NEK2: variants seen among roughly 807,000 people sequenced by gnomAD.
The protein encoded by NEK2 is NIMA related kinase 2.
Under a neutral mutation model 54.1 loss-of-function variants are expected in NEK2, and 28 were observed. The observed-to-expected ratio is 0.52, with a 90% confidence interval of 0.38 to 0.71. The LOEUF (loss-of-function observed/expected upper bound fraction) is 0.71. NEK2 is among the 30% of genes least tolerant of loss of function. The pLI, the probability that NEK2 is intolerant of heterozygous loss-of-function variation, is 0.00. For missense variants in NEK2, 407 were observed against 531.5 expected (o/e 0.77, Z 2.30); for synonymous variants, 176 against 193.1 (o/e 0.91, Z 0.73).
chr1:211,670,198 C>T (rs1340009499), intron 5 of NEK2, 83 bp downstream of exon 5: 4 of 1,317,570 alleles, frequency 3.0e-6, no homozygotes, highest in Non-Finnish European at 4.2e-6. Flanking sequence ...TCTTCAGTCT[C>T]CATTGATCTA....
chr1:211,662,747 GACCA>G (rs1655051190), downstream of NEK2: 2 of 976,396 alleles, frequency 2.0e-6, no homozygotes, highest in African/African-American at 3.5e-5. The surrounding 1 kb of genome is among the most constrained non-coding windows in gnomAD (Gnocchi z 4.2). Context: ...TCAACTAAGA[GACCA>G]ACAAATGCAA....
At chr1:211,670,235 T>C in intron 5 of NEK2, 46 bp downstream of exon 5, 2 of 1,568,132 alleles carry the variant, frequency 1.3e-6, no homozygotes, top group Non-Finnish European at 1.7e-6. Context: ...CTCTGACACT[T>C]AACTGACAGC....
chr1:211,666,344 A>G (rs540849843), intron 7 of NEK2: 20 of 202,220 alleles, frequency 9.9e-5, no homozygotes, highest in South Asian at 3.4e-4. Flanking sequence ...CAAAGATCCA[A>G]ACGTGACAGC....
intron 2 of NEK2, 135 bp from the exon 3 acceptor site, chr1:211,673,858 T>G (rs747578570): frequency 2.1e-6 from 2 of 944,248 alleles, no homozygotes; most frequent in African/African-American, 3.3e-5. Context: ...AGGGTCTTAC[T>G]CTGTCACCCA....
chr1:211,665,783 T>A (rs1333169973), intron 7 of NEK2, among the ~76,000 whole-genome samples: 1 of 152,236 alleles, frequency 6.6e-6, no homozygotes, highest in African/African-American at 2.4e-5. Context: ...TTTCTTTCCA[T>A]CACTTATTCA....
chr1:211,662,750 C>G (rs1655051274), downstream of NEK2: 1 of 979,634 alleles, frequency 1.0e-6, no homozygotes, highest in African/African-American at 1.8e-5. This position sits in a 1 kb window ranked among gnomAD's most constrained non-coding sequence, Gnocchi z 4.2. Context: ...ACTAAGAGAC[C>G]AACAAATGCA....
At position 211,662,913 on chromosome 1, in the gene NEK2, A is replaced by G; in HGVS notation, c.*513T>C. 2.0e-6 allele frequency: 2 copies of G among 986,818 alleles called. No individual in the cohort carries two copies. Among genetic ancestry groups the G allele is most frequent in the Non-Finnish European group, 1.2e-6 (1 of 830,586 alleles). The allele number at this position is 986,818 out of a possible 1,614,324, so 61.1% of individuals were successfully genotyped here. A position where few individuals can be genotyped will look rare whatever the true frequency, so the allele number is the denominator to read the frequency against. ...TTCACAAAGCTAACAGATTTGAACT[A>G]CAGAGCAATGGAATATTTATAAGCA... On this transcript the variant is annotated 3_prime_UTR_variant, in exon 8 of 8. Transcript: ENST00000366999. The surrounding 1 kb of genome is among the most constrained non-coding windows in gnomAD (Gnocchi z 4.2).
Position 211,669,191 on chromosome 1 carries a change from A to G in NEK2, c.907T>C (p.Leu303=), listed in dbSNP as rs762464147. The G allele has an allele frequency of 9.9e-6, 16 of 1,613,774 alleles. No individual in the cohort carries two copies. The East Asian group carries it at 3.6e-4, about 36-fold the overall frequency. The part of the protein sequence containing the change: ...PEKSQDSSPV[L]SELKLKEIQL... ...ATTTCCTTCAGTTTCAGCTCACTCA[A>G]TACAGGGCTGGAATCCTGCGATTTT... Residue 303 remains leucine (L), a synonymous_variant, in exon 6 of 8, where the codon TTG becomes CTG. Transcript: ENST00000366999.
chr1:211,669,227 C>T lies in NEK2; in HGVS notation c.871G>A (p.Gly291Arg). 1.2e-6 allele frequency: 2 copies of T among 1,614,054 alleles called. No individual in the cohort carries two copies. Among genetic ancestry groups the T allele is most frequent in the Non-Finnish European group, 1.7e-6 (2 of 1,179,922 alleles). The change falls in exon 6 of 8, where the codon GGA becomes AGA. Residue 291 changes from glycine to arginine, a missense_variant. Physicochemically the swap from Gly to Arg is moderately radical, Grantham distance 125. Coordinates refer to ENST00000366999, the MANE Select transcript of NEK2 (RefSeq NM_002497.4). Reference protein sequence around the residue: ...RNLERRGRQLGEPEKSQDSSP... With the variant: ...RNLERRGRQLREPEKSQDSSP... ...GAATCCTGCGATTTTTCTGGCTCTC[C>T]TAATTGTCGCCCTCTTCTCTCAAGA...
chr1:211,673,504 G>A lies in NEK2; in HGVS notation c.534C>T (p.Gly178=), dbSNP rs773878112. Reference sequence around the variant, plus strand: ...TTACAGGAGACATGTAATAAGGTGTGCCAACAAATGTTTTTGCAAAACTCG... The same window carrying A: ...TTACAGGAGACATGTAATAAGGTGTACCAACAAATGTTTTTGCAAAACTCG... ...HDTSFAKTFV[G]TPYYMSPEQM... Residue 178 remains glycine, a synonymous_variant, in exon 3 of 8, where the codon GGC becomes GGT. Coordinates refer to ENST00000366999, the MANE Select transcript of NEK2 (RefSeq NM_002497.4). The A allele has an allele frequency of 8.1e-6, 13 of 1,613,974 alleles. No homozygotes were observed. The highest frequency in any genetic ancestry group is 6.7e-5 in the East Asian group (3 of 44,888).
Position 211,663,638 on chromosome 1 carries a change from G to A in NEK2, c.1126C>T (p.Pro376Ser), listed in dbSNP as rs754988537. The change falls in exon 8 of 8, where the codon CCA (proline) becomes TCA (serine). Residue 376 changes from proline to serine, a missense_variant. Pro to Ser is a moderately conservative substitution (Grantham distance 74). Coordinates refer to ENST00000366999, the MANE Select transcript of NEK2 (RefSeq NM_002497.4). ...ACTTTCTTCTTAATTACTGAGGATG[G>A]AAGATTAAGAAGTTCTTTAGAAGGA... ...LASNPELLNL[P>S]SSVIKKKVHF... 3.1e-6 allele frequency: 5 copies of A among 1,613,320 alleles called. No homozygotes were observed.
In NEK2 at chr1:211,666,791, T is replaced by C. The variant is rs558072004; in HGVS notation, c.1111+315A>G. ...TCCAGCCTGGGCTACAGAGTGAGAC[T>C]CCATCTCAAAAAAAATAAAAAAATA... On this transcript the variant is annotated intron_variant, in intron 7 of 7. Transcript: ENST00000366999. 29 of 677,840 alleles carry C rather than the reference T, an allele frequency of 4.3e-5. No individual in the cohort carries two copies. The South Asian group carries it at 1.6e-3, about 36-fold the overall frequency. The allele number at this position is 677,840 out of a possible 1,614,324, so 42.0% of individuals were successfully genotyped here.
Position 211,673,256 on chromosome 1 carries a change from A to G in NEK2, c.555+227T>C, listed in dbSNP as rs184152741. On this transcript the variant is annotated intron_variant, in intron 3 of 7. Transcript: ENST00000366999. ...AAACCCTGTCTCTACTAAACATACAAAAATTAGCCAGGCATAGTGACATGC... is the reference window on the plus strand; with the variant it reads ...AAACCCTGTCTCTACTAAACATACAGAAATTAGCCAGGCATAGTGACATGC... 7.2e-5 allele frequency among the ~76,000 whole-genome samples: 11 copies of G among 152,110 alleles called. No individual in the cohort carries two copies. The East Asian group carries it at 1.4e-3, about 19-fold the overall frequency.
At position 211,674,398 on chromosome 1, in the gene NEK2, T is replaced by C. The variant is rs375409578; in HGVS notation, c.212A>G (p.Tyr71Cys). The change falls in exon 2 of 8, where the codon TAT (tyrosine) becomes TGT (cysteine). Residue 71 changes from tyrosine to cysteine, a missense_variant. Physicochemically the swap from Tyr to Cys is radical, Grantham distance 194. Transcript: ENST00000366999. The stretch of plus-strand genomic sequence containing the variant: ...ATTGGTCCGGTCAATAATCCGATCA[T>C]AGTAACGAACGATGTTTGGATGTTT... Reference protein sequence around the residue: ...ELKHPNIVRYYDRIIDRTNTT... With the variant: ...ELKHPNIVRYCDRIIDRTNTT... 70 of 1,614,066 alleles carry C rather than the reference T, an allele frequency of 4.3e-5. No homozygotes were observed. The highest frequency in any genetic ancestry group is 5.8e-5 in the Non-Finnish European group (68 of 1,180,022).
At chr1:211,666,405 A>C in intron 7 of NEK2, 1 of 712,370 alleles carries the variant, frequency 1.4e-6, no homozygotes, top group Non-Finnish European at 1.7e-6. Context: ...TTCTATGAAA[A>C]ATGAGGCATG....
At chr1:211,660,390 A>T, downstream of NEK2, 1 of 651,104 alleles carries the variant, frequency 1.5e-6, no homozygotes, top group Non-Finnish European at 2.9e-6. Context: ...TCTGCCCCTA[A>T]TTCTCCTTCA....
At chr1:211,660,183 T>A, downstream of NEK2, 1 of 288,982 alleles carries the variant, frequency 3.5e-6, no homozygotes, top group Non-Finnish European at 7.0e-6. Flanking sequence ...CCTTGCAGTC[T>A]CTAGGTCACT....
rs1372691045 is a variant in NEK2 at position 211,663,630 on chromosome 1, T to C, written c.1134A>G (p.Ser378=). 1 of 1,613,630 alleles carries C rather than the reference T, an allele frequency of 6.2e-7. No individual in the cohort carries two copies. Among genetic ancestry groups the C allele is most frequent in the South Asian group, 1.1e-5 (1 of 91,058 alleles). The change falls in exon 8 of 8, where the codon TCA becomes TCG. Residue 378 remains serine (S), a synonymous_variant. Coordinates refer to ENST00000366999, the MANE Select transcript of NEK2 (RefSeq NM_002497.4). ...SNPELLNLPS[S]VIKKKVHFSG... is the part of the protein sequence containing the mutation. ...TGAAATGAACTTTCTTCTTAATTAC[T>C]GAGGATGGAAGATTAAGAAGTTCTT...
intron 6 of NEK2, 77 bp downstream of exon 6, chr1:211,669,036 G>C: frequency 7.9e-7 from 1 of 1,268,560 alleles, no homozygotes; most frequent in Non-Finnish European, 1.1e-6. Flanking sequence ...AAAATATTCT[G>C]CTCAAAGAGA....
Sources: allele counts gnomAD v4.1 joint callset (sites outside exome capture counted in the v4.1 genomes callset), GRCh38; gene constraint gnomAD v4.1.1; non-coding constraint Gnocchi (gnomAD v3.1); transcripts MANE v1.5; gene names NCBI Gene and HGNC (gene_info 2026-07-23, HGNC 2026-07-21).